The following PLXDC2 variants were observed in gnomAD, a reference collection of about 807,000 sequenced individuals.
The protein encoded by PLXDC2 is plexin domain-containing protein 2.
In PLXDC2, 40 loss-of-function variants were observed where a neutral mutation model predicts 68.9. The observed-to-expected ratio is 0.58, with a 90% confidence interval of 0.45 to 0.76. The LOEUF (loss-of-function observed/expected upper bound fraction) is 0.76. PLXDC2 is among the 30% of genes least tolerant of loss of function. The pLI, the probability that PLXDC2 is intolerant of heterozygous loss-of-function variation, is 0.00. For missense variants in PLXDC2, 644 were observed against 661.9 expected (o/e 0.97, Z 0.30); for synonymous variants, 243 against 234.2 (o/e 1.04, Z -0.34).
intron 12 of PLXDC2, among the ~76,000 whole-genome samples, chr10:20,237,251 G>C (rs1290551923): frequency 6.6e-6 from 1 of 152,008 alleles, no homozygotes; most frequent in South Asian, 2.1e-4. Context: ...TGAATGTATT[G>C]TCACAGTAAT....
intron 1 of PLXDC2, among the ~76,000 whole-genome samples, chr10:19,897,335 G>T (rs995338876): frequency 1.3e-5 from 2 of 152,014 alleles, no homozygotes; most frequent in East Asian, 3.9e-4. Context: ...CGCCTCCCAG[G>T]TTCAAGCAAT....
chr10:20,121,584 C>T (rs1833698338), intron 4 of PLXDC2, among the ~76,000 whole-genome samples: 1 of 152,206 alleles, frequency 6.6e-6, no homozygotes, highest in Middle Eastern at 3.4e-3. Flanking sequence ...CAGGGTCAGT[C>T]TAAGTGAAAG....
chr10:20,238,677 G>GTATATATATATATATA (rs10633613), intron 12 of PLXDC2, among the ~76,000 whole-genome samples: 55 of 76,858 alleles, frequency 7.2e-4, no homozygotes, highest in East Asian at 3.1e-3. Context: ...ATATATATAT[G>GTATATATATATATATA]TATATATATA....
intron 4 of PLXDC2, among the ~76,000 whole-genome samples, chr10:20,129,563 A>C (rs983873504): frequency 2.0e-5 from 3 of 151,272 alleles, no homozygotes; most frequent in Non-Finnish European, 2.9e-5. Context: ...ATATGTGTAT[A>C]TATATACACA....
In PLXDC2 at chr10:20,177,329, A is replaced by G. The variant is rs1834540819; in HGVS notation, c.981A>G (p.Thr327=). ...ISAVEMTPLP[T]CLQFNRCGPC... is the part of the protein sequence containing the mutation. ...AATCTGTTCTTTCCTCTTCCCTAGCATGCCTCCAGTTTAACAGATGTGGCC... is the reference window on the plus strand; with the variant it reads ...AATCTGTTCTTTCCTCTTCCCTAGCGTGCCTCCAGTTTAACAGATGTGGCC... Residue 327 remains threonine (T), a splice_region_variant and synonymous_variant, in exon 9 of 14, where the codon ACA becomes ACG. Coordinates refer to ENST00000377252, the MANE Select transcript of PLXDC2 (RefSeq NM_032812.9). 1 of 1,599,076 alleles carries G rather than the reference A, an allele frequency of 6.3e-7. No homozygotes were observed. The highest frequency in any genetic ancestry group is 8.6e-7 in the Non-Finnish European group (1 of 1,166,672).
Position 20,013,553 on chromosome 10 carries a change from A to G in PLXDC2, c.324+11567A>G, listed in dbSNP as rs1835152764. ...ATATTCTTCCTTTTTCTAAGATTATAGTGCTTTGCACAGTGTTTATTATTT... is the reference window on the plus strand; with the variant it reads ...ATATTCTTCCTTTTTCTAAGATTATGGTGCTTTGCACAGTGTTTATTATTT... On this transcript the variant is annotated intron_variant, in intron 2 of 13. Transcript: ENST00000377252. Among the ~76,000 whole-genome samples the G allele has an allele frequency of 2.6e-5, 4 of 152,298 alleles. No homozygotes were observed. The South Asian group carries it at 8.3e-4, about 32-fold the overall frequency.
intron 1 of PLXDC2, among the ~76,000 whole-genome samples, chr10:19,955,295 A>C (rs2131598314): frequency 6.6e-6 from 1 of 150,918 alleles, no homozygotes; most frequent in Non-Finnish European, 1.5e-5. Flanking sequence ...AGCCTCCCAA[A>C]CTGCTGAGAT....
chr10:20,198,581 T>G (rs904784294), intron 9 of PLXDC2, among the ~76,000 whole-genome samples: 2 of 152,138 alleles, frequency 1.3e-5, no homozygotes, highest in African/African-American at 4.8e-5. Flanking sequence ...TTTACCCAAC[T>G]CTGGTCATTT....
At chr10:20,066,171 G>C (rs1393597704) in intron 3 of PLXDC2, among the ~76,000 whole-genome samples, 1 of 152,206 alleles carries the variant, frequency 6.6e-6, no homozygotes, top group African/African-American at 2.4e-5. Flanking sequence ...CATTTCAATA[G>C]GGGAGCATTT....
chr10:20,207,762 G>A (rs988668157), intron 9 of PLXDC2, among the ~76,000 whole-genome samples: 55 of 152,120 alleles, frequency 3.6e-4, no homozygotes, highest in African/African-American at 1.2e-3. Context: ...CTCAAATTTA[G>A]GATGCCAAAT....
intron 4 of PLXDC2, among the ~76,000 whole-genome samples, chr10:20,084,377 C>CTT (rs1424477510): frequency 6.6e-6 from 1 of 152,076 alleles, no homozygotes; most frequent in East Asian, 1.9e-4. Flanking sequence ...GAGTAAGGCT[C>CTT]CAAAAAGCAG....
intron 5 of PLXDC2, among the ~76,000 whole-genome samples, chr10:20,145,674 C>T (rs1397684185): frequency 1.3e-5 from 2 of 152,038 alleles, no homozygotes; most frequent in East Asian, 1.9e-4. Context: ...CTCAACCTCC[C>T]GAGTAGCTGG....
chr10:19,967,286 A>G (rs1174621508), intron 1 of PLXDC2, among the ~76,000 whole-genome samples: 5 of 152,196 alleles, frequency 3.3e-5, no homozygotes, highest in Non-Finnish European at 5.9e-5. Context: ...ATTGGGCTAG[A>G]TTTTTATAAG....
chr10:20,259,264 A>G (rs1835781566), intron 13 of PLXDC2, among the ~76,000 whole-genome samples: 1 of 152,188 alleles, frequency 6.6e-6, no homozygotes, highest in Non-Finnish European at 1.5e-5. Flanking sequence ...ACGTTCAGAA[A>G]CATTTCATTC....
intron 1 of PLXDC2, among the ~76,000 whole-genome samples, chr10:19,839,403 A>C (rs1333227164): frequency 6.6e-6 from 1 of 152,148 alleles, no homozygotes; most frequent in Non-Finnish European, 1.5e-5. Flanking sequence ...CTTCAGTGTT[A>C]GTGAGCTTTA....
chr10:20,217,494 A>G lies in PLXDC2; in HGVS notation c.1191A>G (p.Gly397=), dbSNP rs776091283. The change falls in exon 11 of 14, where the codon GGA becomes GGG. Residue 397 remains glycine, a synonymous_variant. Coordinates refer to ENST00000377252, the MANE Select transcript of PLXDC2 (RefSeq NM_032812.9). ...CTTCTCGAACCACCACAACCGTAGGAGCGACAACCACCCAGTTCAGGGTCC... is the reference window on the plus strand; with the variant it reads ...CTTCTCGAACCACCACAACCGTAGGGGCGACAACCACCCAGTTCAGGGTCC... ...ETSSRTTTTV[G]ATTTQFRVLT... 12 of 1,612,016 alleles carry G rather than the reference A, an allele frequency of 7.4e-6. No individual in the cohort carries two copies. In the East Asian group the frequency reaches 2.5e-4, roughly 33 times the overall value.
intron 3 of PLXDC2, among the ~76,000 whole-genome samples, chr10:20,061,160 T>C (rs1836096257): frequency 6.6e-6 from 1 of 152,198 alleles, no homozygotes; most frequent in Admixed American, 6.5e-5. Flanking sequence ...TCTTAGCTAA[T>C]CCATGGGCTT....
At chr10:20,077,175 T>C (rs940439874) in intron 4 of PLXDC2, among the ~76,000 whole-genome samples, 1 of 152,190 alleles carries the variant, frequency 6.6e-6, no homozygotes, top group Non-Finnish European at 1.5e-5. Flanking sequence ...TTGAGTTTTA[T>C]TTAATTGCTA....
chr10:20,186,736 G>C (rs945036346), intron 9 of PLXDC2, among the ~76,000 whole-genome samples: 2 of 151,824 alleles, frequency 1.3e-5, no homozygotes, highest in African/African-American at 4.8e-5. Context: ...TCCTGCAAAG[G>C]ACATGATCTT....
Sources: allele counts gnomAD v4.1 joint callset (sites outside exome capture counted in the v4.1 genomes callset), GRCh38; gene constraint gnomAD v4.1.1; transcripts MANE v1.5; gene names NCBI Gene and HGNC (gene_info 2026-07-23, HGNC 2026-07-21).